The following STPG4 variants were observed in gnomAD, a reference collection of about 807,000 sequenced individuals.
STPG4 encodes protein STPG4.
Under a neutral mutation model 31.5 loss-of-function variants are expected in STPG4, and 41 were observed. The ratio of observed to expected loss-of-function variants is 1.30; its 90% CI spans 1.01 to 1.69. The LOEUF is 1.69. STPG4 is among the 40% of genes most tolerant of loss of function. The pLI is 0.00. For missense variants in STPG4, 375 were observed against 293.4 expected (o/e 1.28, Z -2.03); for synonymous variants, 141 against 103.0 (o/e 1.37, Z -2.24).
At chr2:47,094,399 T>A (rs1000677905) in intron 5 of STPG4, among the ~76,000 whole-genome samples, 2 of 152,164 alleles carry the variant, frequency 1.3e-5, no homozygotes, top group East Asian at 1.9e-4. Context: ...TCAGCTCTGG[T>A]ACATGATTAC....
At chr2:47,122,027 T>C (rs961734470) in intron 5 of STPG4, among the ~76,000 whole-genome samples, 3 of 152,198 alleles carry the variant, frequency 2.0e-5, no homozygotes, top group Non-Finnish European at 4.4e-5. Context: ...CTTTGGGGGC[T>C]ATAATTTAGC....
chr2:47,123,479 A>G (rs908145729), intron 5 of STPG4, among the ~76,000 whole-genome samples: 13 of 152,152 alleles, frequency 8.5e-5, no homozygotes, highest in Non-Finnish European at 2.9e-5. Context: ...CAGAGTAGAT[A>G]CATTTTAAAA....
At chr2:47,129,307 G>C (rs935867021) in intron 5 of STPG4, 7 of 152,434 alleles carry the variant, frequency 4.6e-5, no homozygotes, top group African/African-American at 1.7e-4. Flanking sequence ...ACTAGGTCTT[G>C]TGTACCCTAA....
intron 5 of STPG4, 90 bp downstream of exon 5, chr2:47,129,851 T>A: frequency 1.3e-6 from 2 of 1,539,284 alleles, no homozygotes; most frequent in African/African-American, 2.8e-5. Flanking sequence ...CACTGGAGGG[T>A]TCTATGTGGC....
chr2:47,114,125 C>G (rs1237729807), intron 5 of STPG4, among the ~76,000 whole-genome samples: 8 of 151,822 alleles, frequency 5.3e-5, no homozygotes, highest in Non-Finnish European at 1.0e-4. Context: ...AATCCTAGCA[C>G]TTAGGGAGGC....
intron 5 of STPG4, 58 bp from the exon 6 acceptor site, chr2:47,090,432 C>G: frequency 9.2e-7 from 1 of 1,086,968 alleles, no homozygotes; most frequent in Non-Finnish European, 1.4e-6. Flanking sequence ...TATTTTAAGG[C>G]TTTATTTGCC....
chr2:47,144,715 A>G (rs553175611), intron 3 of STPG4, among the ~76,000 whole-genome samples: 1 of 152,086 alleles, frequency 6.6e-6, no homozygotes, highest in African/African-American at 2.4e-5. Context: ...TTAAAAAAAA[A>G]CAAACAAAAG....
At chr2:47,107,784 G>C (rs1022675766) in intron 5 of STPG4, among the ~76,000 whole-genome samples, 3 of 152,092 alleles carry the variant, frequency 2.0e-5, no homozygotes, top group African/African-American at 4.8e-5. Context: ...GTCTAGCTCA[G>C]GGATTGTAAA....
Position 47,093,705 on chromosome 2 carries a change from G to T in STPG4, c.520-3331C>A, listed in dbSNP as rs142715659. On this transcript the variant is annotated intron_variant, in intron 5 of 6. Transcript: ENST00000445927. The stretch of plus-strand genomic sequence containing the variant: ...TCCCATCCAGCAGTTTCCTTGCATG[G>T]ACTTGGTCATCTGAATCACAGGGAC... 2.4e-4 allele frequency among the ~76,000 whole-genome samples: 37 copies of T among 152,348 alleles called. No homozygotes were observed. The East Asian group carries it at 7.1e-3, about 29-fold the overall frequency.
At chr2:47,118,159 G>C (rs1686189710) in intron 5 of STPG4, among the ~76,000 whole-genome samples, 1 of 152,088 alleles carries the variant, frequency 6.6e-6, no homozygotes, top group Non-Finnish European at 1.5e-5. Flanking sequence ...TGAGGGGTGG[G>C]CGAGCAAGGG....
chr2:47,150,493 A>T (rs1686912777), intron 3 of STPG4, among the ~76,000 whole-genome samples: 1 of 150,434 alleles, frequency 6.6e-6, no homozygotes, highest in African/African-American at 2.4e-5. Context: ...CCACATGCTC[A>T]CTTCTTTTCT....
intron 5 of STPG4, among the ~76,000 whole-genome samples, chr2:47,094,778 A>C (rs1464165992): frequency 6.6e-6 from 1 of 152,192 alleles, no homozygotes; most frequent in Non-Finnish European, 1.5e-5. Flanking sequence ...TTGCTGCAAA[A>C]GACTCAGACT....
At chr2:47,125,557 T>C (rs951070064) in intron 5 of STPG4, among the ~76,000 whole-genome samples, 2 of 152,242 alleles carry the variant, frequency 1.3e-5, no homozygotes, top group Non-Finnish European at 1.5e-5. Flanking sequence ...GATTGTTTCC[T>C]TTGTTGTGCA....
rs1322072835 is a variant in STPG4 at position 47,093,309 on chromosome 2, G to A, written c.520-2935C>T. On this transcript the variant is annotated intron_variant, in intron 5 of 6. Transcript: ENST00000445927. ...TGTTTTCAAACTGATGTATACGTGT[G>A]ACAGAGGTTGCTGTCAGGGTGAGGC... Among the ~76,000 whole-genome samples the A allele has an allele frequency of 3.9e-5, 6 of 152,288 alleles. No individual in the cohort carries two copies. In the South Asian group the frequency reaches 1.0e-3, roughly 26 times the overall value.
chr2:47,150,496 T>C (rs943304100), intron 3 of STPG4, among the ~76,000 whole-genome samples: 5 of 151,780 alleles, frequency 3.3e-5, no homozygotes, highest in African/African-American at 1.2e-4. Flanking sequence ...CATGCTCACT[T>C]CTTTTCTTTT....
chr2:47,105,836 T>C (rs138691689), intron 5 of STPG4, among the ~76,000 whole-genome samples: 4,018 of 152,116 alleles, frequency 0.026, 254 homozygotes, highest in African/African-American at 0.092. Flanking sequence ...ATCCTACATG[T>C]CCATGCTGCA....
chr2:47,128,021 C>G lies in STPG4; in HGVS notation c.519+1920G>C, dbSNP rs538188589. ...TTCAAAGGGAATTAAGTGCTGTAAT[C>G]TGTCTTTGGTCACCGTAGCTGTGTC... On this transcript the variant is annotated intron_variant, in intron 5 of 6. Coordinates refer to ENST00000445927, the MANE Select transcript of STPG4 (RefSeq NM_001163561.2). Among the ~76,000 whole-genome samples, 80 of 152,286 alleles carry G rather than the reference C, an allele frequency of 5.3e-4. No homozygotes were observed. In the South Asian group the frequency reaches 0.015, roughly 28 times the overall value.
intron 3 of STPG4, among the ~76,000 whole-genome samples, chr2:47,140,660 A>T (rs543330611): frequency 7.2e-5 from 11 of 152,264 alleles, no homozygotes; most frequent in African/African-American, 2.6e-4. Context: ...TTGATTTTTC[A>T]GTTTGTTTAG....
rs540728157 is a variant in STPG4, at chr2:47,151,531, A to G, written c.142-16T>C. 3.5e-5 allele frequency: 57 copies of G among 1,610,662 alleles called. No individual in the cohort carries two copies. The East Asian group carries it at 1.2e-3, about 34-fold the overall frequency. ...TAGGAGTATCCTGTGGAAAATTGAC[A>G]TCAGTTTTAAGATTGTGTAAACATG... On this transcript the variant is annotated splice_polypyrimidine_tract_variant and intron_variant, in intron 2 of 6. Transcript: ENST00000445927.
Sources: gnomAD v4.1 joint callset for allele counts (sites outside exome capture counted in the v4.1 genomes callset) on GRCh38, gnomAD v4.1.1 for gene constraint, MANE v1.5 for transcripts, NCBI Gene and HGNC (gene_info 2026-07-23, HGNC 2026-07-21) for gene names.